GPC6: variants seen among roughly 807,000 people sequenced by gnomAD.
The protein encoded by GPC6 is glypican 6, also known as glypican-6.
GPC6 carries 14 observed loss-of-function variants against 55.2 expected under a neutral mutation model. That is an observed-to-expected ratio of 0.25 (90% confidence interval 0.17 to 0.40). GPC6 has a LOEUF of 0.40. Ranked by LOEUF, GPC6 falls within the 10% of genes least tolerant of loss-of-function variation. The pLI is 1.00. For missense variants in GPC6, 641 were observed against 708.5 expected (o/e 0.90, Z 1.08); for synonymous variants, 278 against 259.6 (o/e 1.07, Z -0.68).
At chr13:94,316,233 A>G (rs950510964) in intron 6 of GPC6, among the ~76,000 whole-genome samples, 3 of 152,174 alleles carry the variant, frequency 2.0e-5, no homozygotes, top group Admixed American at 6.5e-5. Context: ...GGGTATCTAC[A>G]TTGTCCTACA....
intron 1 of GPC6, among the ~76,000 whole-genome samples, chr13:93,452,480 CTTCT>C (rs1259625164): frequency 6.6e-6 from 1 of 152,198 alleles, no homozygotes; most frequent in South Asian, 2.1e-4. Flanking sequence ...TGCTTCAGCG[CTTCT>C]TTGAGAATTA....
chr13:94,229,452 C>T (rs1328712093), intron 4 of GPC6, among the ~76,000 whole-genome samples: 1 of 152,148 alleles, frequency 6.6e-6, no homozygotes, highest in Non-Finnish European at 1.5e-5. Context: ...TTCCATTTTG[C>T]AGTAGCTGTA....
chr13:94,257,087 G>T (rs1891529404), intron 4 of GPC6, among the ~76,000 whole-genome samples: 1 of 152,170 alleles, frequency 6.6e-6, no homozygotes, highest in African/African-American at 2.4e-5. Flanking sequence ...TACTATGAGA[G>T]TTTAGGGAGA....
At position 93,833,146 on chromosome 13, in the gene GPC6, A is replaced by AGAGAGAGAGC. The variant is rs1887592814; in HGVS notation, c.711+2610_711+2611insCGAGAGAGAG. ...GAGAGAGAGAGAGAGAGAGAGAGAGAGAGAGAGAGAGATGGTATATATATA... is the reference window on the plus strand; with the variant it reads ...GAGAGAGAGAGAGAGAGAGAGAGAGAGAGAGAGAGCGAGAGAGAGAGATGGTATATATATA... On this transcript the variant is annotated intron_variant, in intron 3 of 8. Transcript: ENST00000377047. 3.6e-5 allele frequency among the ~76,000 whole-genome samples: 5 copies of AGAGAGAGAGC among 139,272 alleles called. No homozygotes were observed. The East Asian group carries it at 1.3e-3, about 35-fold the overall frequency. 91.4% of individuals were successfully genotyped at this position (139,272 alleles called of 152,430 possible).
rs1011558055 is a variant in GPC6 at position 93,385,586 on chromosome 13, C to T, written c.160+157970C>T. 2.6e-5 allele frequency among the ~76,000 whole-genome samples: 4 copies of T among 152,324 alleles called. No individual in the cohort carries two copies. In the South Asian group the frequency reaches 8.3e-4, roughly 32 times the overall value. On this transcript the variant is annotated intron_variant, in intron 1 of 8. Coordinates refer to ENST00000377047, the MANE Select transcript of GPC6 (RefSeq NM_005708.5). ...AAAGAAGTGGACGGGATTCAGAACT[C>T]ACTCATGTTTAACTCGACAATCTGA...
At chr13:93,661,065 C>T (rs1222978643) in intron 2 of GPC6, among the ~76,000 whole-genome samples, 1 of 152,088 alleles carries the variant, frequency 6.6e-6, no homozygotes, top group Non-Finnish European at 1.5e-5. Context: ...TTCTTGGAGA[C>T]TTAGTAAACT....
At chr13:94,323,070 C>T (rs1381589198) in intron 6 of GPC6, among the ~76,000 whole-genome samples, 2 of 152,118 alleles carry the variant, frequency 1.3e-5, no homozygotes, top group East Asian at 3.8e-4. Context: ...TCCATGTGGT[C>T]CAAATGAGGA....
chr13:93,997,096 GT>G (rs747658583), intron 3 of GPC6, among the ~76,000 whole-genome samples: 3 of 152,120 alleles, frequency 2.0e-5, no homozygotes, highest in Non-Finnish European at 2.9e-5. Context: ...TCCTACACCC[GT>G]GTTATCCTGA....
At chr13:93,548,076 T>G (rs9524127) in intron 2 of GPC6, among the ~76,000 whole-genome samples, 27,436 of 152,126 alleles carry the variant, frequency 0.18, 2,864 homozygotes, top group East Asian at 0.29. Context: ...TATGGAATGT[T>G]ACCCTCTTTG....
At chr13:94,192,677 C>A (rs1889437140) in intron 4 of GPC6, among the ~76,000 whole-genome samples, 3 of 152,132 alleles carry the variant, frequency 2.0e-5, no homozygotes, top group Admixed American at 1.3e-4. Context: ...CCTGCCTTAG[C>A]CATTATGAGG....
intron 3 of GPC6, among the ~76,000 whole-genome samples, chr13:93,846,681 G>A (rs1294855448): frequency 6.6e-6 from 1 of 152,082 alleles, no homozygotes; most frequent in East Asian, 1.9e-4. Flanking sequence ...AGGCATGATG[G>A]TGAGCACCTG....
At chr13:93,390,482 C>A (rs1875581483) in intron 1 of GPC6, among the ~76,000 whole-genome samples, 1 of 152,052 alleles carries the variant, frequency 6.6e-6, no homozygotes, top group South Asian at 2.1e-4. Flanking sequence ...GGTGAAGTAG[C>A]TTCTAAGACT....
intron 2 of GPC6, among the ~76,000 whole-genome samples, chr13:93,703,427 G>A (rs529600472): frequency 6.6e-6 from 1 of 152,066 alleles, no homozygotes; most frequent in South Asian, 2.1e-4. Context: ...ACACAGAGAT[G>A]AGACATGAAT....
chr13:93,965,104 TTG>T (rs373904498), intron 3 of GPC6, among the ~76,000 whole-genome samples: 1,781 of 132,114 alleles, frequency 0.013, 140 homozygotes, highest in East Asian at 0.059. Flanking sequence ...CACTATGAGT[TTG>T]TTTTTTTTTT....
intron 4 of GPC6, among the ~76,000 whole-genome samples, chr13:94,081,017 C>G (rs1336292493): frequency 6.6e-6 from 1 of 152,114 alleles, no homozygotes; most frequent in Non-Finnish European, 1.5e-5. Context: ...ATGTTTAGGA[C>G]AGTAACAAGT....
intron 1 of GPC6, among the ~76,000 whole-genome samples, chr13:93,421,192 G>A (rs956300862): frequency 6.6e-6 from 1 of 152,060 alleles, no homozygotes; most frequent in Non-Finnish European, 1.5e-5. Flanking sequence ...AATGGGCATG[G>A]AGAGAGAGAA....
chr13:94,088,161 C>T (rs1205881656), intron 4 of GPC6, among the ~76,000 whole-genome samples: 1 of 152,028 alleles, frequency 6.6e-6, no homozygotes, highest in Non-Finnish European at 1.5e-5. Context: ...CTGTATTTCC[C>T]CTAGGAGCTC....
intron 4 of GPC6, among the ~76,000 whole-genome samples, chr13:94,202,997 G>T (rs1203166879): frequency 2.0e-5 from 3 of 152,122 alleles, no homozygotes; most frequent in African/African-American, 7.2e-5. Context: ...AAAATCACCA[G>T]ATTCCTTGAT....
At chr13:93,438,469 T>C (rs2139284710) in intron 1 of GPC6, among the ~76,000 whole-genome samples, 1 of 152,244 alleles carries the variant, frequency 6.6e-6, no homozygotes, top group African/African-American at 2.4e-5. Flanking sequence ...TTGGAAGAAG[T>C]TGATTCCAAC....
Sources: gnomAD v4.1 joint callset for allele counts (sites outside exome capture counted in the v4.1 genomes callset) on GRCh38, gnomAD v4.1.1 for gene constraint, MANE v1.5 for transcripts, NCBI Gene and HGNC (gene_info 2026-07-23, HGNC 2026-07-21) for gene names.